The following SLC6A2 variants were observed in gnomAD, a reference collection of about 807,000 sequenced individuals.
The protein encoded by SLC6A2 is solute carrier family 6 member 2.
Under a neutral mutation model 71.7 loss-of-function variants are expected in SLC6A2, and 26 were observed. The observed-to-expected ratio is 0.36, with a 90% CI of 0.27 to 0.50. The LOEUF (loss-of-function observed/expected upper bound fraction) is 0.50. SLC6A2 is among the 20% of genes least tolerant of loss of function. The probability of loss-of-function intolerance (pLI) is 0.96; values close to 1 mark genes in which losing one functional copy is unlikely to be tolerated. For missense variants in SLC6A2, 581 were observed against 803.9 expected, an observed-to-expected ratio of 0.72 and a Z score of 3.35; for synonymous variants, 363 against 337.9, an observed-to-expected ratio of 1.07 and a Z score of -0.82.
intron 9 of SLC6A2, among the ~76,000 whole-genome samples, chr16:55,697,550 C>T (rs1362277380): frequency 2.0e-5 from 3 of 152,170 alleles, no homozygotes; most frequent in East Asian, 1.9e-4. Context: ...GACATGTAAA[C>T]GTATGACATG....
At chr16:55,691,791 G>A (rs1339773040) in intron 5 of SLC6A2, 127 bp from the exon 6 acceptor site, 2 of 1,095,372 alleles carry the variant, frequency 1.8e-6, no homozygotes, top group East Asian at 2.5e-5. Flanking sequence ...CTTGTAGCAT[G>A]TGCTTTGGGT....
At chr16:55,665,438 A>C (rs934712299) in intron 2 of SLC6A2, among the ~76,000 whole-genome samples, 1 of 152,090 alleles carries the variant, frequency 6.6e-6, no homozygotes, top group Non-Finnish European at 1.5e-5. Flanking sequence ...CTGGTGCATG[A>C]CACCAGCAGC....
intron 2 of SLC6A2, among the ~76,000 whole-genome samples, chr16:55,663,473 C>A (rs185515101): frequency 1.3e-5 from 2 of 152,292 alleles, no homozygotes; most frequent in African/African-American, 4.8e-5. Flanking sequence ...CTTGAACTTT[C>A]CAGTCACCAG....
intron 2 of SLC6A2, among the ~76,000 whole-genome samples, chr16:55,661,817 C>A (rs75532508): frequency 6.6e-6 from 1 of 152,324 alleles, no homozygotes; most frequent in East Asian, 1.9e-4. Context: ...AGTGGACTCT[C>A]TCCTCTCCCC....
At chr16:55,663,762 T>C (rs377472577) in intron 2 of SLC6A2, among the ~76,000 whole-genome samples, 7 of 152,206 alleles carry the variant, frequency 4.6e-5, no homozygotes, top group African/African-American at 1.4e-4. Flanking sequence ...TCTCTCTCTT[T>C]GACCTTCTCC....
At position 55,656,648 on chromosome 16, in the gene SLC6A2, T is replaced by C. The variant is rs1399720352; in HGVS notation, c.-47T>C. On this transcript the variant is annotated 5_prime_UTR_variant, in exon 2 of 15. Transcript: ENST00000568943. This position sits in a 1 kb window ranked among gnomAD's most constrained non-coding sequence, Gnocchi z 4.5. ...CTTTTCCCTTTATCCAAGCAGAGCC[T>C]CGGCGTGCCCCCAGGACCGGTAAAG... 4 of 1,609,448 alleles carry C rather than the reference T, an allele frequency of 2.5e-6. No individual in the cohort carries two copies. The highest frequency in any genetic ancestry group is 3.4e-6 in the Non-Finnish European group (4 of 1,179,286).
chr16:55,691,864 G>A (rs1025376507), intron 5 of SLC6A2, 54 bp from the exon 6 acceptor site: 90 of 1,609,262 alleles, frequency 5.6e-5, no homozygotes, highest in South Asian at 3.2e-4. Context: ...CCACCAGCCC[G>A]CCACGGGATT....
intron 6 of SLC6A2, among the ~76,000 whole-genome samples, chr16:55,692,713 C>T (rs1417914809): frequency 1.3e-5 from 2 of 152,188 alleles, no homozygotes; most frequent in Admixed American, 6.5e-5. Context: ...GAGAACACCT[C>T]AACATGCTAT....
intron 2 of SLC6A2, among the ~76,000 whole-genome samples, chr16:55,659,334 G>T (rs2142482069): frequency 6.6e-6 from 1 of 152,262 alleles, no homozygotes; most frequent in Non-Finnish European, 1.5e-5. Context: ...TTGACACTGT[G>T]TGCTCTTTAG....
chr16:55,675,153 T>A (rs2142525344), intron 4 of SLC6A2, among the ~76,000 whole-genome samples: 1 of 152,326 alleles, frequency 6.6e-6, no homozygotes, highest in Admixed American at 6.5e-5. Flanking sequence ...GATGACTGAC[T>A]TGTTTTCAGC....
chr16:55,682,199 G>C (rs1284031167), intron 4 of SLC6A2, among the ~76,000 whole-genome samples: 1 of 152,216 alleles, frequency 6.6e-6, no homozygotes, highest in Admixed American at 6.5e-5. Flanking sequence ...GAGCCACCAT[G>C]CCTGGCTATA....
intron 2 of SLC6A2, among the ~76,000 whole-genome samples, chr16:55,669,068 G>A (rs1964831144): frequency 6.6e-6 from 1 of 152,166 alleles, no homozygotes; most frequent in Non-Finnish European, 1.5e-5. Context: ...ATACCCCTAT[G>A]TGATAGGATG....
In SLC6A2 at chr16:55,684,506, T is replaced by A. The variant is rs147356164; in HGVS notation, c.645-637T>A. ...CAATACCTAGGGCACAGGATAAGCCTATCTTCAGCTTTAGTAGCTATTCCC... is the reference window on the plus strand; with the variant it reads ...CAATACCTAGGGCACAGGATAAGCCAATCTTCAGCTTTAGTAGCTATTCCC... On this transcript the variant is annotated intron_variant, in intron 4 of 14. Transcript: ENST00000568943. 4.9e-4 allele frequency among the ~76,000 whole-genome samples: 74 copies of A among 152,356 alleles called. 1 individual carries two copies. In the Middle Eastern group the frequency reaches 0.01, roughly 21 times the overall value.
At chr16:55,670,104 A>G (rs898575203) in intron 3 of SLC6A2, among the ~76,000 whole-genome samples, 1 of 152,222 alleles carries the variant, frequency 6.6e-6, no homozygotes, top group Non-Finnish European at 1.5e-5. Flanking sequence ...TACAATAGCC[A>G]CAACTAGTTG....
At chr16:55,685,802 G>T (rs1193674188) in intron 5 of SLC6A2, among the ~76,000 whole-genome samples, 1 of 152,174 alleles carries the variant, frequency 6.6e-6, no homozygotes, top group African/African-American at 2.4e-5. Context: ...TGCCCCCAGG[G>T]TTCCAGGTGC....
chr16:55,671,785 C>T (rs1372255155), intron 3 of SLC6A2, 153 bp from the exon 4 acceptor site: 1 of 1,449,366 alleles, frequency 6.9e-7, no homozygotes, highest in African/African-American at 1.4e-5. Context: ...TTCCATGCGA[C>T]AGGTCACTGG....
At chr16:55,687,990 A>G (rs576880850) in intron 5 of SLC6A2, among the ~76,000 whole-genome samples, 6 of 152,218 alleles carry the variant, frequency 3.9e-5, no homozygotes, top group Admixed American at 6.5e-5. Flanking sequence ...TCCCCTCTGC[A>G]TGTGTCATCC....
At position 55,698,094 on chromosome 16, in the gene SLC6A2, C is replaced by G. The variant is rs1031785670; in HGVS notation, c.1389+69C>G. On this transcript the variant is annotated intron_variant, in intron 10 of 14. Coordinates refer to ENST00000568943, the MANE Select transcript of SLC6A2 (RefSeq NM_001172501.3). ...CCGCATTTCAATAAAGTCAAACATT[C>G]CTAGCCTTAGAACTGGGGCTGAGCT... 4.6e-6 allele frequency: 7 copies of G among 1,538,122 alleles called. No homozygotes were observed. The Admixed American group carries it at 1.0e-4, about 22-fold the overall frequency.
At chr16:55,691,805 G>A (rs943457879) in intron 5 of SLC6A2, 113 bp from the exon 6 acceptor site, 7 of 1,240,210 alleles carry the variant, frequency 5.6e-6, no homozygotes, top group South Asian at 1.2e-5. Context: ...TTTGGGTAAA[G>A]GAAGGTGGGA....
Sources: allele counts gnomAD v4.1 joint callset (sites outside exome capture counted in the v4.1 genomes callset), GRCh38; gene constraint gnomAD v4.1.1; non-coding constraint Gnocchi (gnomAD v3.1); transcripts MANE v1.5; gene names NCBI Gene and HGNC (gene_info 2026-07-23, HGNC 2026-07-21).